PLA2G6: variants seen among roughly 807,000 people sequenced by gnomAD.
PLA2G6 encodes 85/88 kDa calcium-independent phospholipase A2.
Under a neutral mutation model 83.8 loss-of-function variants are expected in PLA2G6, and 62 were observed. That is an observed-to-expected ratio of 0.74 (90% CI 0.60 to 0.91). The LOEUF (loss-of-function observed/expected upper bound fraction) is 0.91, where lower values mean the gene tolerates loss of function less well. Among genes scored for constraint, PLA2G6 ranks in the 40% least tolerant of loss-of-function variants. The probability of loss-of-function intolerance (pLI) is 0.00; values close to 1 mark genes in which losing one functional copy is unlikely to be tolerated. For synonymous variants in PLA2G6, 417 were observed against 449.8 expected (o/e 0.93, Z 0.92); for missense variants, 944 against 1,102.0 (o/e 0.86, Z 2.03).
intron 1 of PLA2G6, among the ~76,000 whole-genome samples, chr22:38,171,519 C>T (rs891262336): frequency 6.6e-6 from 1 of 151,910 alleles, no homozygotes; most frequent in African/African-American, 2.4e-5. Flanking sequence ...GTAATTTCTT[C>T]CAAACAATTT....
At chr22:38,134,556 C>A (rs937040571) in intron 6 of PLA2G6, 1 of 159,028 alleles carries the variant, frequency 6.3e-6, no homozygotes, top group Non-Finnish European at 1.4e-5. Flanking sequence ...AGCGAGACTC[C>A]GTCTCAAAAA....
At chr22:38,114,685 C>T (rs1401734233) in intron 14 of PLA2G6, among the ~76,000 whole-genome samples, 1 of 152,208 alleles carries the variant, frequency 6.6e-6, no homozygotes, top group African/African-American at 2.4e-5. Flanking sequence ...GGGCGCTTCT[C>T]TGTCTGCCCA....
chr22:38,134,724 C>T, intron 6 of PLA2G6: 1 of 517,562 alleles, frequency 1.9e-6, no homozygotes, highest in Non-Finnish European at 3.5e-6. Flanking sequence ...TCACACACTG[C>T]CTTGCTGACT....
intron 12 of PLA2G6, among the ~76,000 whole-genome samples, chr22:38,116,988 C>T (rs1054649502): frequency 5.3e-5 from 8 of 150,996 alleles, no homozygotes; most frequent in African/African-American, 2.0e-4. Flanking sequence ...TATTTAGAAA[C>T]CCCGAGTGGT....
At chr22:38,125,174 ATGTG>A (rs1048894012) in intron 10 of PLA2G6, among the ~76,000 whole-genome samples, 10 of 151,892 alleles carry the variant, frequency 6.6e-5, no homozygotes, top group East Asian at 3.9e-4. Flanking sequence ...GCATGCATGC[ATGTG>A]TATGTGTGCG....
rs551214674 is a variant in PLA2G6 at position 38,121,113 on chromosome 22, C to A, written c.1592-204G>T. On this transcript the variant is annotated intron_variant, in intron 11 of 16. Transcript: ENST00000332509. ...CTCCTTCCGGCTGGACATGGTGGCT[C>A]GCGCCTGTAATCCCAGCACTTTGGG... is the stretch of plus-strand genomic sequence containing the variant. 5.4e-6 allele frequency: 3 copies of A among 558,810 alleles called. No individual in the cohort carries two copies. The South Asian group carries it at 6.0e-5, about 11-fold the overall frequency. 34.6% of individuals were successfully genotyped at this position (558,810 alleles called of 1,614,324 possible).
At chr22:38,181,109 C>G (rs1052027391) in intron 1 of PLA2G6, among the ~76,000 whole-genome samples, 3 of 152,236 alleles carry the variant, frequency 2.0e-5, no homozygotes, top group Middle Eastern at 6.8e-3. Flanking sequence ...CCCATGATCA[C>G]CCTGGTCACA....
chr22:38,129,222 C>T (rs1451927002), intron 8 of PLA2G6, among the ~76,000 whole-genome samples: 3 of 152,244 alleles, frequency 2.0e-5, no homozygotes, highest in Admixed American at 6.5e-5. Flanking sequence ...GGGCGCTGCA[C>T]GGGAGAGGAT....
chr22:38,120,103 A>T (rs1006900979), intron 12 of PLA2G6, among the ~76,000 whole-genome samples: 2 of 152,148 alleles, frequency 1.3e-5, no homozygotes, highest in African/African-American at 4.8e-5. Context: ...AAATGCTCAA[A>T]ACACTCCTCT....
At chr22:38,174,777 A>C (rs1473110995) in intron 1 of PLA2G6, among the ~76,000 whole-genome samples, 7 of 152,086 alleles carry the variant, frequency 4.6e-5, no homozygotes, top group African/African-American at 7.2e-5. Context: ...TCGAGAGGGG[A>C]AGGTGCTGAG....
At chr22:38,173,182 G>T (rs1484433770) in intron 1 of PLA2G6, among the ~76,000 whole-genome samples, 1 of 152,158 alleles carries the variant, frequency 6.6e-6, no homozygotes, top group Non-Finnish European at 1.5e-5. Flanking sequence ...TCCCAGCACA[G>T]CTGCAAGAGG....
At chr22:38,134,190 G>C (rs1057489941) in intron 6 of PLA2G6, 6 of 152,808 alleles carry the variant, frequency 3.9e-5, no homozygotes, top group Non-Finnish European at 8.8e-5. Context: ...TCTGGGACTT[G>C]GACTGGCTTC....
intron 3 of PLA2G6, 160 bp from the exon 4 acceptor site, chr22:38,143,448 A>C (rs2089045621): frequency 1.4e-6 from 1 of 733,626 alleles, no homozygotes; most frequent in African/African-American, 1.7e-5. Context: ...GGCTGATTTG[A>C]ATGTAATTAT....
intron 2 of PLA2G6, among the ~76,000 whole-genome samples, chr22:38,156,784 G>A (rs2089797937): frequency 6.6e-6 from 1 of 152,090 alleles, no homozygotes; most frequent in Admixed American, 6.6e-5. Context: ...ATCATATCAA[G>A]TATCTTCTGT....
At chr22:38,154,778 C>G (rs2089709111) in intron 2 of PLA2G6, among the ~76,000 whole-genome samples, 1 of 152,118 alleles carries the variant, frequency 6.6e-6, no homozygotes, top group Admixed American at 6.6e-5. Context: ...AATTAAGGTA[C>G]CAGTGGCCAA....
intron 2 of PLA2G6, among the ~76,000 whole-genome samples, chr22:38,158,433 A>C (rs1368335959): frequency 6.6e-6 from 1 of 152,158 alleles, no homozygotes; most frequent in East Asian, 1.9e-4. Flanking sequence ...GGCCTCCCAC[A>C]GTGCTGGGAT....
chr22:38,135,771 T>A (rs925343550), intron 5 of PLA2G6: 4 of 152,226 alleles, frequency 2.6e-5, no homozygotes, highest in African/African-American at 9.7e-5. Context: ...TTTTTCTGGC[T>A]GGGCGCGGTG....
At chr22:38,157,504 T>C (rs2145880274) in intron 2 of PLA2G6, among the ~76,000 whole-genome samples, 1 of 152,292 alleles carries the variant, frequency 6.6e-6, no homozygotes, top group African/African-American at 2.4e-5. Context: ...CCCAGTGGCT[T>C]CACTGCTTAA....
chr22:38,168,032 C>T (rs73154409), intron 2 of PLA2G6: 63 of 169,602 alleles, frequency 3.7e-4, no homozygotes, highest in South Asian at 3.4e-3. Flanking sequence ...CTCTTCCAGA[C>T]GCAGAGTAGC....
Sources: allele counts gnomAD v4.1 joint callset (sites outside exome capture counted in the v4.1 genomes callset), GRCh38; gene constraint gnomAD v4.1.1; transcripts MANE v1.5; gene names NCBI Gene and HGNC (gene_info 2026-07-23, HGNC 2026-07-21).